Variants in SNRK observed in about 807,000 individuals in gnomAD.
The protein encoded by SNRK is SNF related kinase, also known as SNF-related serine/threonine-protein kinase.
SNRK carries 3 observed loss-of-function variants against 48.2 expected under a neutral mutation model. The ratio of observed to expected loss-of-function variants is 0.06; its 90% CI spans 0.03 to 0.16. SNRK has a LOEUF of 0.16. SNRK is among the 10% of genes least tolerant of loss of function. The probability of loss-of-function intolerance (pLI) is 1.00; values close to 1 mark genes in which losing one functional copy is unlikely to be tolerated. For missense variants in SNRK, 627 were observed against 976.0 expected, an observed-to-expected ratio of 0.64 and a Z score of 4.76; for synonymous variants, 376 against 366.1, an observed-to-expected ratio of 1.03 and a Z score of -0.31.
intron 5 of SNRK, 121 bp from the exon 6 acceptor site, chr3:43,343,223 C>G: frequency 7.7e-7 from 1 of 1,298,844 alleles, no homozygotes. Flanking sequence ...GCATTTTTTG[C>G]ATAATTTTAA....
intron 1 of SNRK, among the ~76,000 whole-genome samples, chr3:43,297,448 GTAAGTATTATCCCCATTT>G (rs1559458868): frequency 6.6e-6 from 1 of 152,008 alleles, no homozygotes; most frequent in Non-Finnish European, 1.5e-5. Flanking sequence ...CCCCAAGCCC[GTAAGTATTATCCCCATTT>G]TATTTTTTAA....
intron 3 of SNRK, among the ~76,000 whole-genome samples, chr3:43,312,722 T>G (rs1303681365): frequency 1.3e-5 from 2 of 152,024 alleles, no homozygotes; most frequent in Non-Finnish European, 2.9e-5. Context: ...CACAGAAAAA[T>G]TCCTAGAATA....
chr3:43,332,318 A>G lies in SNRK; in HGVS notation c.731+8A>G. ...GTCTAAAGAGTGTAAAGAGTAAGTA[A>G]AACAAAGTATGTGGAAACCTTAAGG... On this transcript the variant is annotated splice_region_variant and intron_variant, in intron 4 of 6. Transcript: ENST00000296088. 4 of 1,414,916 alleles carry G rather than the reference A, an allele frequency of 2.8e-6. No individual in the cohort carries two copies. The highest frequency in any genetic ancestry group is 1.5e-5 in the African/African-American group (1 of 68,234). 87.6% of individuals were successfully genotyped at this position (1,414,916 alleles called of 1,614,324 possible). A position where few individuals can be genotyped will look rare whatever the true frequency, so the allele number is the denominator to read the frequency against.
At chr3:43,309,612 G>GTTTTTT (rs35398476) in intron 3 of SNRK, among the ~76,000 whole-genome samples, 26 of 143,178 alleles carry the variant, frequency 1.8e-4, no homozygotes, top group Non-Finnish European at 2.6e-4. Flanking sequence ...TAGAAATAAG[G>GTTTTTT]TTTTTTTTTT....
intron 5 of SNRK, chr3:43,340,823 CCT>C (rs2091230105): frequency 3.6e-6 from 1 of 280,312 alleles, no homozygotes; most frequent in Admixed American, 4.9e-5. Flanking sequence ...TATTCTCATT[CCT>C]CTGTCTCCTG....
chr3:43,318,644 T>C (rs745381272), intron 3 of SNRK, among the ~76,000 whole-genome samples: 34 of 152,172 alleles, frequency 2.2e-4, no homozygotes, highest in Non-Finnish European at 1.2e-4. Flanking sequence ...GAGCAAACTT[T>C]CTAACACAAA....
In SNRK at chr3:43,333,897, C is replaced by T. The variant is rs148215620; in HGVS notation, c.731+1587C>T. 3.0e-3 allele frequency among the ~76,000 whole-genome samples: 462 copies of T among 152,166 alleles called. 5 individuals are homozygous for T. The highest frequency in any genetic ancestry group is 0.011 in the African/African-American group (439 of 41,492). On this transcript the variant is annotated intron_variant, in intron 4 of 6. Coordinates refer to ENST00000296088, the MANE Select transcript of SNRK (RefSeq NM_017719.5). ...GCGCAGTGGCTCACACCTGTAATCC[C>T]AGCACTTAAGGAGGCCGAGACAGGC...
intron 3 of SNRK, among the ~76,000 whole-genome samples, chr3:43,304,705 T>C (rs145526037): frequency 6.6e-6 from 1 of 151,978 alleles, no homozygotes; most frequent in African/African-American, 2.4e-5. Flanking sequence ...TATGTATGAG[T>C]ATTCTGCTTG....
intron 3 of SNRK, among the ~76,000 whole-genome samples, chr3:43,327,412 A>G (rs2091104565): frequency 1.3e-5 from 2 of 152,212 alleles, no homozygotes; most frequent in South Asian, 4.1e-4. Flanking sequence ...GCAGCTGTGA[A>G]GTGGTCTTGT....
rs2091314773 is a variant in SNRK at position 43,350,471 on chromosome 3, A to T, written c.*1914A>T. The T allele has an allele frequency of 1.3e-5, 2 of 152,612 alleles. No homozygotes were observed. Among genetic ancestry groups the T allele is most frequent in the South Asian group, 4.1e-4 (2 of 4,832 alleles). The allele number at this position is 152,612 out of a possible 1,614,324, so 9.5% of individuals were successfully genotyped here. The stretch of plus-strand genomic sequence containing the variant: ...TGGAATGGCACCTTTTAACTAACCC[A>T]TATGTGTTTGGTTTCAATGGTTTTT... On this transcript the variant is annotated 3_prime_UTR_variant, in exon 7 of 7. Transcript: ENST00000296088.
At chr3:43,333,874 G>A (rs1424871460) in intron 4 of SNRK, among the ~76,000 whole-genome samples, 5 of 152,182 alleles carry the variant, frequency 3.3e-5, no homozygotes, top group South Asian at 2.1e-4. Flanking sequence ...GAGGCTGGGC[G>A]CAGTGGCTCA....
chr3:43,303,062 C>A lies in SNRK; in HGVS notation c.-106-36C>A. On this transcript the variant is annotated intron_variant, in intron 2 of 6. Transcript: ENST00000296088. This position sits in a 1 kb window ranked among gnomAD's most constrained non-coding sequence, Gnocchi z 6.2. ...TTTTAAAGTTTGTGAAGAAAAGTCG[C>A]AGAAACTTAATTTTGTTTCTCTTCT... 3.7e-6 allele frequency: 2 copies of A among 539,886 alleles called. No homozygotes were observed. Among genetic ancestry groups the A allele is most frequent in the Admixed American group, 3.8e-5 (1 of 26,342 alleles). The allele number at this position is 539,886 out of a possible 1,614,324, so 33.4% of individuals were successfully genotyped here. A position where few individuals can be genotyped will look rare whatever the true frequency, so the allele number is the denominator to read the frequency against.
intron 5 of SNRK, among the ~76,000 whole-genome samples, chr3:43,342,654 G>T (rs1387148139): frequency 6.6e-6 from 1 of 152,222 alleles, no homozygotes; most frequent in Non-Finnish European, 1.5e-5. Context: ...CACACTCCTA[G>T]TATGTATGTC....
chr3:43,321,694 C>T lies in SNRK; in HGVS notation c.590-10475C>T, dbSNP rs376261846. Among the ~76,000 whole-genome samples the T allele has an allele frequency of 2.5e-4, 38 of 152,310 alleles. No homozygotes were observed. In the South Asian group the frequency reaches 7.0e-3, roughly 28 times the overall value. ...AGAATCATGAAATCATCATCAAAAA[C>T]TTAAAAAACACGGTGTGCGCCTCTC... On this transcript the variant is annotated intron_variant, in intron 3 of 6. Transcript: ENST00000296088.
At chr3:43,335,615 C>T (rs557415993) in intron 4 of SNRK, among the ~76,000 whole-genome samples, 39 of 152,118 alleles carry the variant, frequency 2.6e-4, no homozygotes, top group Non-Finnish European at 4.7e-4. Flanking sequence ...TTATTTGCAT[C>T]CTGTATGAGT....
Position 43,350,164 on chromosome 3 carries a change from G to A in SNRK, c.*1607G>A, listed in dbSNP as rs1200351386. 2.6e-5 allele frequency: 4 copies of A among 152,560 alleles called. No homozygotes were observed. The highest frequency in any genetic ancestry group is 5.9e-5 in the Non-Finnish European group (4 of 68,030). The allele number at this position is 152,560 out of a possible 1,614,324, so 9.5% of individuals were successfully genotyped here. A position where few individuals can be genotyped will look rare whatever the true frequency, so the allele number is the denominator to read the frequency against. ...TACTTATTTTACTTTCTAGACCTAG[G>A]CTAGATGTTTTAAGCTACAGCTCTA... On this transcript the variant is annotated 3_prime_UTR_variant, in exon 7 of 7. Coordinates refer to ENST00000296088, the MANE Select transcript of SNRK (RefSeq NM_017719.5).
intron 3 of SNRK, among the ~76,000 whole-genome samples, chr3:43,304,991 G>A (rs2090926160): frequency 6.6e-6 from 1 of 151,880 alleles, no homozygotes; most frequent in South Asian, 2.1e-4. Context: ...TTCCAGGAGA[G>A]GAAACACAAA....
At chr3:43,289,529 C>T (rs954079435) in intron 1 of SNRK, among the ~76,000 whole-genome samples, 1 of 152,150 alleles carries the variant, frequency 6.6e-6, no homozygotes, top group Non-Finnish European at 1.5e-5. Context: ...ATTTAATGGC[C>T]TCACGAGTGA....
chr3:43,303,052 AG>A lies in SNRK; in HGVS notation c.-106-45del. 1.9e-6 allele frequency: 1 copy of A among 516,184 alleles called. No individual in the cohort carries two copies. The highest frequency in any genetic ancestry group is 3.3e-6 in the Non-Finnish European group (1 of 303,642). 32.0% of individuals were successfully genotyped at this position (516,184 alleles called of 1,614,324 possible). A position where few individuals can be genotyped will look rare whatever the true frequency, so the allele number is the denominator to read the frequency against. ...AATGAAGTGATTTTAAAGTTTGTGA[AG>A]AAAAGTCGCAGAAACTTAATTTTGT... On this transcript the variant is annotated intron_variant, in intron 2 of 6. Coordinates refer to ENST00000296088, the MANE Select transcript of SNRK (RefSeq NM_017719.5). This position sits in a 1 kb window ranked among gnomAD's most constrained non-coding sequence, Gnocchi z 6.2.
Sources: allele counts gnomAD v4.1 joint callset (sites outside exome capture counted in the v4.1 genomes callset), GRCh38; gene constraint gnomAD v4.1.1; non-coding constraint Gnocchi (gnomAD v3.1); transcripts MANE v1.5; gene names NCBI Gene and HGNC (gene_info 2026-07-23, HGNC 2026-07-21).